EDAR: variants seen among roughly 807,000 people sequenced by gnomAD.
EDAR encodes tumor necrosis factor receptor superfamily member EDAR.
Under a neutral mutation model 51.3 loss-of-function variants are expected in EDAR, and 38 were observed. The ratio of observed to expected loss-of-function variants is 0.74; its 90% CI spans 0.57 to 0.97. The LOEUF (loss-of-function observed/expected upper bound fraction) is 0.97. EDAR is among the 50% of genes least tolerant of loss of function. The probability of loss-of-function intolerance (pLI) is 0.00; values close to 1 mark genes in which losing one functional copy is unlikely to be tolerated. For synonymous variants in EDAR, 227 were observed against 242.1 expected, an observed-to-expected ratio of 0.94 and a Z score of 0.58; for missense variants, 528 against 595.0, an observed-to-expected ratio of 0.89 and a Z score of 1.17.
intron 11 of EDAR, among the ~76,000 whole-genome samples, chr2:108,904,463 C>T (rs1487113263): frequency 2.0e-5 from 3 of 152,224 alleles, no homozygotes; most frequent in Non-Finnish European, 2.9e-5. Context: ...ACTCCTGGGT[C>T]TTTATCCCAG....
chr2:108,908,062 G>T, intron 9 of EDAR, 43 bp from the exon 10 acceptor site: 1 of 1,563,514 alleles, frequency 6.4e-7, no homozygotes, highest in South Asian at 1.2e-5. Context: ...GCCTGGGGGG[G>T]CTGCAGCCCT....
chr2:108,930,487 C>T (rs1366459516), intron 2 of EDAR, among the ~76,000 whole-genome samples: 1 of 152,086 alleles, frequency 6.6e-6, no homozygotes, highest in African/African-American at 2.4e-5. Context: ...CTGGCCAAGC[C>T]CCATCCCACC....
chr2:108,931,362 G>T (rs1454396196), intron 1 of EDAR, among the ~76,000 whole-genome samples: 2 of 152,220 alleles, frequency 1.3e-5, no homozygotes, highest in Non-Finnish European at 2.9e-5. Flanking sequence ...TGAGCTTTAA[G>T]TCTGGAGTCC....
At chr2:108,913,806 C>T (rs375295398) in intron 5 of EDAR, among the ~76,000 whole-genome samples, 4 of 151,866 alleles carry the variant, frequency 2.6e-5, no homozygotes, top group Non-Finnish European at 5.9e-5. Flanking sequence ...AAAAATTAGC[C>T]GGGCGTGGTG....
At chr2:108,921,133 G>A (rs940624445) in intron 5 of EDAR, among the ~76,000 whole-genome samples, 6 of 152,180 alleles carry the variant, frequency 3.9e-5, no homozygotes, top group African/African-American at 1.4e-4. Flanking sequence ...CAGAGGTGCA[G>A]AGAAGCTGCC....
chr2:108,939,379 G>A (rs1697544743), intron 1 of EDAR, among the ~76,000 whole-genome samples: 1 of 152,192 alleles, frequency 6.6e-6, no homozygotes, highest in African/African-American at 2.4e-5. Context: ...TAGAGATGGG[G>A]TTTCACCATG....
intron 11 of EDAR, 65 bp from the exon 12 acceptor site, chr2:108,897,294 A>C: frequency 7.1e-7 from 1 of 1,400,306 alleles, no homozygotes; most frequent in Non-Finnish European, 9.9e-7. Context: ...CAACACTGAA[A>C]AATTATTTAA....
intron 1 of EDAR, among the ~76,000 whole-genome samples, chr2:108,942,024 A>G (rs1272957945): frequency 6.6e-6 from 1 of 152,222 alleles, no homozygotes; most frequent in African/African-American, 2.4e-5. Context: ...TGGAAACTCC[A>G]CAGGTGCCTC....
At chr2:108,960,382 T>C (rs985918979) in intron 1 of EDAR, among the ~76,000 whole-genome samples, 3 of 152,244 alleles carry the variant, frequency 2.0e-5, no homozygotes, top group African/African-American at 7.2e-5. Context: ...ACGCTCTTGC[T>C]GATGAATGCC....
At chr2:108,927,665 C>T in intron 4 of EDAR, among the ~76,000 whole-genome samples, 1 of 152,128 alleles carries the variant, frequency 6.6e-6, no homozygotes, top group East Asian at 1.9e-4. Flanking sequence ...CAGCGGCCCC[C>T]AGCACCCTGA....
intron 9 of EDAR, 47 bp from the exon 10 acceptor site, chr2:108,908,066 C>T (rs754081631): frequency 6.4e-7 from 1 of 1,553,912 alleles, no homozygotes; most frequent in East Asian, 2.3e-5. Flanking sequence ...GGGGGGGCTG[C>T]AGCCCTGACA....
At chr2:108,984,880 A>G (rs1402679577) in intron 1 of EDAR, among the ~76,000 whole-genome samples, 1 of 152,210 alleles carries the variant, frequency 6.6e-6, no homozygotes, top group Admixed American at 6.5e-5. Context: ...AATGTGCACT[A>G]AAACCAACTT....
chr2:108,965,103 A>ATGTGTG (rs532175005), intron 1 of EDAR, among the ~76,000 whole-genome samples: 25 of 152,042 alleles, frequency 1.6e-4, no homozygotes, highest in African/African-American at 6.0e-4. Context: ...GCACGCAAGC[A>ATGTGTG]TGTGTGTGTC....
chr2:108,958,820 G>GGAAGTGTCAGCCAGAGTTA (rs1435023359), intron 1 of EDAR, among the ~76,000 whole-genome samples: 1 of 152,236 alleles, frequency 6.6e-6, no homozygotes, highest in African/African-American at 2.4e-5. Flanking sequence ...ACAGCCACTT[G>GGAAGTGTCAGCCAGAGTTA]GAAGTGTCAG....
intron 1 of EDAR, among the ~76,000 whole-genome samples, chr2:108,937,240 C>T (rs1697490603): frequency 6.6e-6 from 1 of 152,216 alleles, no homozygotes; most frequent in Admixed American, 6.5e-5. Flanking sequence ...TTGCAAACTC[C>T]CTGGTGAAGA....
chr2:108,903,290 G>A (rs1412701987), intron 11 of EDAR, among the ~76,000 whole-genome samples: 1 of 151,990 alleles, frequency 6.6e-6, no homozygotes, highest in Non-Finnish European at 1.5e-5. Flanking sequence ...CAGAAGACTC[G>A]ACATAATAAA....
In EDAR at chr2:108,954,737, G is replaced by A. The variant is rs575201543; in HGVS notation, c.-18-23705C>T. On this transcript the variant is annotated intron_variant, in intron 1 of 11. Transcript: ENST00000258443. Reference sequence around the variant, plus strand: ...ATTGACCAGGCTGGAGTGCAATGGCGTGATCTCGGCTCACTGCAACCTCCA... The same window carrying A: ...ATTGACCAGGCTGGAGTGCAATGGCATGATCTCGGCTCACTGCAACCTCCA... 1.5e-3 allele frequency among the ~76,000 whole-genome samples: 224 copies of A among 151,614 alleles called. 2 individuals carry two copies. Among genetic ancestry groups the A allele is most frequent in the African/African-American group, 4.0e-3 (165 of 41,286 alleles).
At chr2:108,984,363 T>C (rs1436720378) in intron 1 of EDAR, among the ~76,000 whole-genome samples, 1 of 152,198 alleles carries the variant, frequency 6.6e-6, no homozygotes, top group Non-Finnish European at 1.5e-5. Flanking sequence ...TGAGCCACCA[T>C]GGCTGAACTT....
intron 1 of EDAR, among the ~76,000 whole-genome samples, chr2:108,949,576 T>C (rs1315025929): frequency 6.6e-6 from 1 of 152,188 alleles, no homozygotes; most frequent in East Asian, 1.9e-4. Flanking sequence ...ATTAATTGCA[T>C]CATAAAATCT....
Sources: gnomAD v4.1 joint callset for allele counts (sites outside exome capture counted in the v4.1 genomes callset) on GRCh38, gnomAD v4.1.1 for gene constraint, MANE v1.5 for transcripts, NCBI Gene and HGNC (gene_info 2026-07-23, HGNC 2026-07-21) for gene names.